ASB15: variants seen among roughly 807,000 people sequenced by gnomAD.
ASB15 encodes the protein ankyrin repeat and SOCS box protein 15.
In ASB15, 54 loss-of-function variants were observed where a neutral mutation model predicts 58.0. The observed-to-expected ratio is 0.93, with a 90% confidence interval of 0.75 to 1.17. The LOEUF (loss-of-function observed/expected upper bound fraction) is 1.17, where lower values mean the gene tolerates loss of function less well. Among genes scored for constraint, ASB15 ranks in the 50% most tolerant of loss-of-function variants. The probability of loss-of-function intolerance (pLI) is 0.00; values close to 1 mark genes in which losing one functional copy is unlikely to be tolerated. For synonymous variants in ASB15, 249 were observed against 262.4 expected (o/e 0.95, Z 0.50); for missense variants, 680 against 707.4 (o/e 0.96, Z 0.44).
intron 6 of ASB15, among the ~76,000 whole-genome samples, chr7:123,616,870 A>G (rs967331509): frequency 6.6e-6 from 1 of 152,198 alleles, no homozygotes; most frequent in Non-Finnish European, 1.5e-5. Flanking sequence ...ACAGTTTCCA[A>G]AAGATTCTTA....
chr7:123,629,901 C>T, intron 10 of ASB15, 65 bp from the exon 11 acceptor site: 2 of 1,113,730 alleles, frequency 1.8e-6, no homozygotes, highest in Non-Finnish European at 1.2e-6. Flanking sequence ...TTCCATAACA[C>T]AATTGAGTGT....
intron 1 of ASB15, among the ~76,000 whole-genome samples, chr7:123,581,196 G>A (rs937584152): frequency 6.6e-6 from 1 of 151,840 alleles, no homozygotes; most frequent in Non-Finnish European, 1.5e-5. Flanking sequence ...CATGAACACC[G>A]TTCAGAGGAC....
chr7:123,625,876 A>G (rs185193171), intron 8 of ASB15, among the ~76,000 whole-genome samples: 2 of 152,336 alleles, frequency 1.3e-5, no homozygotes, highest in African/African-American at 4.8e-5. Flanking sequence ...AGGTGTCCCA[A>G]TACAACCACG....
intron 1 of ASB15, among the ~76,000 whole-genome samples, chr7:123,587,329 A>G (rs1408256446): frequency 6.6e-6 from 1 of 151,590 alleles, no homozygotes; most frequent in Non-Finnish European, 1.5e-5. Context: ...TTTTATTAAA[A>G]TTTATTTTTC....
rs73718429 is a variant in ASB15 at position 123,581,125 on chromosome 7, C to T, written c.-443+14037C>T. Reference sequence around the variant, plus strand: ...TCAGGTGGTATCTGTGTCCCACCAACCTCCTTCAGCTCTTTGCGGAGGAGG... The same window carrying T: ...TCAGGTGGTATCTGTGTCCCACCAATCTCCTTCAGCTCTTTGCGGAGGAGG... On this transcript the variant is annotated intron_variant, in intron 1 of 13. Coordinates refer to the ASB15 transcript ENST00000451558. 8.5e-3 allele frequency among the ~76,000 whole-genome samples: 1,292 copies of T among 152,000 alleles called. 21 individuals carry two copies. Among genetic ancestry groups the T allele is most frequent in the African/African-American group, 0.03 (1,234 of 41,500 alleles).
intron 10 of ASB15, among the ~76,000 whole-genome samples, chr7:123,629,765 A>G (rs7799354): frequency 0.43 from 64,729 of 152,000 alleles, 14,207 homozygotes; most frequent in South Asian, 0.65. Flanking sequence ...GCTGACTACA[A>G]TCACATCAGA....
upstream of ASB15, among the ~76,000 whole-genome samples, chr7:123,599,202 T>C (rs1302645170): frequency 6.6e-6 from 1 of 152,058 alleles, no homozygotes; most frequent in East Asian, 1.9e-4. Flanking sequence ...ACATGGGTAT[T>C]GCTTACTAAA....
chr7:123,582,545 C>T lies in ASB15; in HGVS notation c.-443+15457C>T, dbSNP rs1424443788. 4.6e-5 allele frequency among the ~76,000 whole-genome samples: 7 copies of T among 151,946 alleles called. No homozygotes were observed. In the South Asian group the frequency reaches 6.2e-4, roughly 13 times the overall value. ...CTCATTGTCTGTAGGTTCCTCAATG[C>T]GTTCTGTGACCAGCAAGAGTAAATG... On this transcript the variant is annotated intron_variant, in intron 1 of 13. Coordinates refer to the ASB15 transcript ENST00000451558.
intron 3 of ASB15, chr7:123,612,161 A>G (rs569972985): frequency 6.6e-6 from 1 of 152,336 alleles, no homozygotes; most frequent in South Asian, 2.1e-4. Context: ...CACCCCAGTA[A>G]TATCACTGAG....
intron 1 of ASB15, among the ~76,000 whole-genome samples, chr7:123,595,552 A>G (rs144282349): frequency 3.2e-4 from 49 of 152,230 alleles, no homozygotes; most frequent in African/African-American, 1.1e-3. Context: ...ACCACAATTC[A>G]TTTTCTTACT....
chr7:123,578,227 T>A (rs1410982863), intron 1 of ASB15, among the ~76,000 whole-genome samples: 2 of 150,668 alleles, frequency 1.3e-5, no homozygotes, highest in Admixed American at 1.3e-4. Flanking sequence ...ATTCACAAGC[T>A]ACCTGCTGAT....
In ASB15 at chr7:123,627,430, A is replaced by T; in HGVS notation, c.869+149A>T. 4.9e-6 allele frequency: 3 copies of T among 607,392 alleles called. No individual in the cohort carries two copies. The South Asian group carries it at 1.4e-4, about 28-fold the overall frequency. The allele number at this position is 607,392 out of a possible 1,614,324, so 37.6% of individuals were successfully genotyped here. A position where few individuals can be genotyped will look rare whatever the true frequency, so the allele number is the denominator to read the frequency against. On this transcript the variant is annotated intron_variant, in intron 9 of 11. Coordinates refer to ENST00000451215, the MANE Select transcript of ASB15 (RefSeq NM_001290258.2). ...TTTGATGCTCCAAATTTAGATATTT[A>T]GAACTTATTTAATTTTCCTCCTTTT...
At chr7:123,578,316 A>G (rs375115043) in intron 1 of ASB15, among the ~76,000 whole-genome samples, 1 of 151,678 alleles carries the variant, frequency 6.6e-6, no homozygotes, top group East Asian at 1.9e-4. Flanking sequence ...ATGTTGCTCA[A>G]AAATTACCAG....
chr7:123,620,527 T>C (rs1274393604), intron 7 of ASB15, among the ~76,000 whole-genome samples: 3 of 18,322 alleles, frequency 1.6e-4, no homozygotes, highest in East Asian at 2.0e-3. Flanking sequence ...TATATATATA[T>C]ATATATATAT....
upstream of ASB15, among the ~76,000 whole-genome samples, chr7:123,597,928 G>GTGTA (rs199842775): frequency 6.6e-6 from 1 of 150,584 alleles, no homozygotes; most frequent in Non-Finnish European, 1.5e-5. Context: ...GTGTGTGTGT[G>GTGTA]TGTGTGTGTG....
At chr7:123,583,229 A>T (rs1799283722) in intron 1 of ASB15, among the ~76,000 whole-genome samples, 1 of 151,988 alleles carries the variant, frequency 6.6e-6, no homozygotes, top group African/African-American at 2.4e-5. Context: ...GTCTCTAAAA[A>T]GATAAATAAA....
chr7:123,572,762 T>C (rs1798948618), intron 1 of ASB15, among the ~76,000 whole-genome samples: 1 of 152,088 alleles, frequency 6.6e-6, no homozygotes, highest in South Asian at 2.1e-4. Context: ...TTAAGTAGTA[T>C]ATATTTTTAA....
chr7:123,628,437 G>A (rs901823185), intron 9 of ASB15, among the ~76,000 whole-genome samples: 3 of 152,066 alleles, frequency 2.0e-5, no homozygotes, highest in African/African-American at 7.2e-5. Context: ...TGACATCCAG[G>A]GTCACTTCCT....
At chr7:123,625,029 AG>A in intron 8 of ASB15, 1 of 555,622 alleles carries the variant, frequency 1.8e-6, no homozygotes, top group Non-Finnish European at 3.2e-6. Flanking sequence ...CGAATTTACA[AG>A]CCCAGTCCTG....
Sources: allele counts gnomAD v4.1 joint callset (sites outside exome capture counted in the v4.1 genomes callset), GRCh38; gene constraint gnomAD v4.1.1; transcripts MANE v1.5; gene names NCBI Gene and HGNC (gene_info 2026-07-23, HGNC 2026-07-21).